Variants in ZNF350 observed in about 807,000 individuals in gnomAD.
ZNF350 encodes the protein zinc finger protein 350.
ZNF350 carries 5 observed loss-of-function variants against 13.1 expected under a neutral mutation model. The observed-to-expected ratio is 0.38, with a 90% confidence interval of 0.20 to 0.80. The LOEUF (loss-of-function observed/expected upper bound fraction) is 0.80, where lower values mean the gene tolerates loss of function less well. Among genes scored for constraint, ZNF350 ranks in the 30% least tolerant of loss-of-function variants. The pLI is 0.43. For synonymous variants in ZNF350, 199 were observed against 224.2 expected, an observed-to-expected ratio of 0.89 and a Z score of 1.00; for missense variants, 534 against 644.2, an observed-to-expected ratio of 0.83 and a Z score of 1.85.
rs1198159007 is a variant in ZNF350, at chr19:51,985,356, T to C, written c.-172+1414A>G. On this transcript the variant is annotated intron_variant, in intron 1 of 4. Transcript: ENST00000243644. ...AATGCATTAAGATAAGAATGAATTA[T>C]AAGCATTACAAAGTAAGACAGAAAA... Among the ~76,000 whole-genome samples, 4 of 152,184 alleles carry C rather than the reference T, an allele frequency of 2.6e-5. No individual in the cohort carries two copies. The East Asian group carries it at 7.7e-4, about 29-fold the overall frequency.
intron 1 of ZNF350, among the ~76,000 whole-genome samples, chr19:51,983,212 T>G (rs1333679119): frequency 1.3e-5 from 2 of 152,316 alleles, no homozygotes; most frequent in East Asian, 3.9e-4. Flanking sequence ...GTCATCACCA[T>G]TCTCCAGTCT....
At chr19:51,979,288 G>A (rs758925971) in intron 1 of ZNF350, among the ~76,000 whole-genome samples, 1 of 152,140 alleles carries the variant, frequency 6.6e-6, no homozygotes, top group Non-Finnish European at 1.5e-5. Flanking sequence ...CCTGTGCACA[G>A]GCAAAAACAT....
At chr19:51,975,225 TTGG>T (rs1200420150) in intron 1 of ZNF350, among the ~76,000 whole-genome samples, 1 of 152,064 alleles carries the variant, frequency 6.6e-6, no homozygotes, top group Non-Finnish European at 1.5e-5. Flanking sequence ...TCCCAGCACT[TTGG>T]GATGCCGAGG....
chr19:51,965,476 C>A lies in ZNF350; in HGVS notation c.977G>T (p.Gly326Val). ...TATGAGACACGTCTTCTGAATGAAGCCTTTTCCACATTCATTGCATATATA... is the reference window on the plus strand; with the variant it reads ...TATGAGACACGTCTTCTGAATGAAGACTTTTCCACATTCATTGCATATATA... ...KPYICNECGK[G>V]FIQKTCLIAH... is the part of the protein sequence containing the mutation. The change falls in exon 5 of 5, where the codon GGC becomes GTC. Residue 326 changes from glycine (G) to valine (V), a missense_variant. Physicochemically the swap from Gly to Val is moderately radical, Grantham distance 109 (BLOSUM62 -3). Transcript: ENST00000243644. The A allele has an allele frequency of 6.2e-7, 1 of 1,614,148 alleles. No individual in the cohort carries two copies. Among genetic ancestry groups the A allele is most frequent in the Admixed American group, 1.7e-5 (1 of 60,028 alleles).
In ZNF350 at chr19:51,966,010, C is replaced by A; in HGVS notation, c.443G>T (p.Gly148Val). The A allele has an allele frequency of 6.2e-7, 1 of 1,614,062 alleles. No individual in the cohort carries two copies. The highest frequency in any genetic ancestry group is 8.5e-7 in the Non-Finnish European group (1 of 1,180,002). ...CTCAACAGAGTTCTTTATTTCATAG[C>A]CTTTGCTCTGGTTAACTAAAGTTAA... ...SNLTLVNQSK[G>V]YEIKNSVEFT... Residue 148 changes from glycine to valine, a missense_variant, in exon 5 of 5, where the codon GGC becomes GTC. Coordinates refer to ENST00000243644, the MANE Select transcript of ZNF350 (RefSeq NM_021632.4).
At chr19:51,985,320 A>G (rs888253702) in intron 1 of ZNF350, among the ~76,000 whole-genome samples, 1 of 152,226 alleles carries the variant, frequency 6.6e-6, no homozygotes, top group African/African-American at 2.4e-5. Context: ...TTTATACTGG[A>G]AAGTTGAGCC....
chr19:51,986,580 G>T (rs971586629), intron 1 of ZNF350, 190 bp downstream of exon 1: 1 of 152,564 alleles, frequency 6.6e-6, no homozygotes, highest in African/African-American at 2.4e-5. Flanking sequence ...AAGGCACGCG[G>T]ACCACAGACA....
intron 1 of ZNF350, among the ~76,000 whole-genome samples, chr19:51,984,703 T>C (rs1238579972): frequency 6.6e-6 from 1 of 152,244 alleles, no homozygotes; most frequent in Non-Finnish European, 1.5e-5. Context: ...AAACCTATTA[T>C]ACCTTTGGTC....
rs1429140526 is a variant in ZNF350, at chr19:51,986,824, G to T, written c.-226C>A. The T allele has an allele frequency of 2.0e-5, 3 of 152,182 alleles. No individual in the cohort carries two copies. Among genetic ancestry groups the T allele is most frequent in the African/African-American group, 7.2e-5 (3 of 41,424 alleles). 9.4% of individuals were successfully genotyped at this position (152,182 alleles called of 1,614,324 possible). A position where few individuals can be genotyped will look rare whatever the true frequency, so the allele number is the denominator to read the frequency against. On this transcript the variant is annotated 5_prime_UTR_variant, in exon 1 of 5. Coordinates refer to ENST00000243644, the MANE Select transcript of ZNF350 (RefSeq NM_021632.4). ...CCTCAACGTTACACTTCCGTAAACT[G>T]CTCCTACTTCTGGAGTCCTCGCACG...
Position 51,965,390 on chromosome 19 carries a change from A to T in ZNF350, c.1063T>A (p.Cys355Ser). The part of the protein sequence containing the change: ...PFVCSECGKS[C>S]SQKSGLIKHQ... ...TTAATGAGACCTGATTTCTGAGAAC[A>T]GGATTTTCCACATTCACTGCACACA... is the stretch of plus-strand genomic sequence containing the variant. Residue 355 changes from cysteine (C) to serine (S), a missense_variant, in exon 5 of 5, where the codon TGT becomes AGT. Cys to Ser is a moderately radical substitution (Grantham distance 112). Transcript: ENST00000243644. 6.2e-7 allele frequency: 1 copy of T among 1,614,162 alleles called. No individual in the cohort carries two copies. The highest frequency in any genetic ancestry group is 1.7e-5 in the Admixed American group (1 of 60,028).
At position 51,966,054 on chromosome 19, in the gene ZNF350, T is replaced by G. The variant is rs776585458; in HGVS notation, c.399A>C (p.Gly133=). 1.2e-6 allele frequency: 2 copies of G among 1,613,960 alleles called. No homozygotes were observed. Among genetic ancestry groups the G allele is most frequent in the African/African-American group, 2.7e-5 (2 of 74,932 alleles). The change falls in exon 5 of 5, where the codon GGA becomes GGC. Residue 133 remains glycine, a synonymous_variant. Coordinates refer to ENST00000243644, the MANE Select transcript of ZNF350 (RefSeq NM_021632.4). ...GQNHDIFDLR[G]KSLKSNLTLV... ...AAGTTAAATTGGATTTCAAACTTTT[T>G]CCACGTAAGTCAAATATATCATGAT... is the stretch of plus-strand genomic sequence containing the variant.
In ZNF350 at chr19:51,984,424, G is replaced by A. The variant is rs917669205; in HGVS notation, c.-172+2346C>T. ...ATAAAGCAAACTATATCCTGCTAGG[G>A]GAACTGTAAGTGGTACAACCACTTT... is the stretch of plus-strand genomic sequence containing the variant. On this transcript the variant is annotated intron_variant, in intron 1 of 4. Transcript: ENST00000243644. Among the ~76,000 whole-genome samples, 23 of 152,104 alleles carry A rather than the reference G, an allele frequency of 1.5e-4. 1 individual carries two copies. The highest frequency in any genetic ancestry group is 1.2e-3 in the Admixed American group (18 of 15,276).
In ZNF350 at chr19:51,965,553, G is replaced by A; in HGVS notation, c.900C>T (p.Ile300=). 1 of 1,614,082 alleles carries A rather than the reference G, an allele frequency of 6.2e-7. No homozygotes were observed. The highest frequency in any genetic ancestry group is 1.3e-5 in the African/African-American group (1 of 75,010). ...GGTGTACAATGAGATTTCCTTTCTG[G>A]ATGAAGCCTTTTCCACATTCACTGC... ...YICSECGKGF[I]QKGNLIVHQR... is the part of the protein sequence containing the mutation. Residue 300 remains isoleucine, a synonymous_variant, in exon 5 of 5, where the codon ATC becomes ATT. Coordinates refer to ENST00000243644, the MANE Select transcript of ZNF350 (RefSeq NM_021632.4).
chr19:51,973,534 T>C (rs549877870), intron 2 of ZNF350: 63 of 152,300 alleles, frequency 4.1e-4, no homozygotes, highest in African/African-American at 1.4e-3. Context: ...AAAACTCCCT[T>C]TGTTCAATTA....
intron 1 of ZNF350, among the ~76,000 whole-genome samples, chr19:51,985,701 ACT>A (rs1305967988): frequency 6.6e-6 from 1 of 152,154 alleles, no homozygotes; most frequent in African/African-American, 2.4e-5. Flanking sequence ...GGCAAGCAAC[ACT>A]CACTATATAT....
rs140459583 is a variant in ZNF350 at position 51,971,030 on chromosome 19, AC to A, written c.16-1900del. 7.3e-3 allele frequency among the ~76,000 whole-genome samples: 1,109 copies of A among 152,258 alleles called. 13 individuals carry two copies. Among genetic ancestry groups the A allele is most frequent in the African/African-American group, 0.024 (1,016 of 41,548 alleles). ...GACTGAAAGGCATGGCTGGCAAAGG[AC>A]CTACAGCCCTGTAATAGTGACAATT... On this transcript the variant is annotated intron_variant, in intron 2 of 4. Transcript: ENST00000243644.
At chr19:51,968,384 G>T in intron 4 of ZNF350, 194 bp downstream of exon 4, 1 of 603,262 alleles carries the variant, frequency 1.7e-6, no homozygotes, top group Non-Finnish European at 2.9e-6. Context: ...GATCTCTGAG[G>T]AGATAAAGAG....
intron 1 of ZNF350, among the ~76,000 whole-genome samples, chr19:51,983,054 C>T (rs1034941897): frequency 1.3e-5 from 2 of 152,160 alleles, no homozygotes; most frequent in Non-Finnish European, 2.9e-5. Flanking sequence ...AGAAAAGTTC[C>T]TCTGTCTTGA....
chr19:51,981,523 G>T (rs928495436), intron 1 of ZNF350, among the ~76,000 whole-genome samples: 1 of 152,004 alleles, frequency 6.6e-6, no homozygotes, highest in Non-Finnish European at 1.5e-5. Context: ...TTCAACTCCG[G>T]ATCTCATCAC....
Sources: allele counts gnomAD v4.1 joint callset (sites outside exome capture counted in the v4.1 genomes callset), GRCh38; gene constraint gnomAD v4.1.1; transcripts MANE v1.5; gene names NCBI Gene and HGNC (gene_info 2026-07-23, HGNC 2026-07-21).